Variants in DIP2A observed in about 807,000 individuals in gnomAD.
The protein encoded by DIP2A is disco-interacting protein 2 homolog A.
Under a neutral mutation model 177.4 loss-of-function variants are expected in DIP2A, and 85 were observed. The observed-to-expected ratio is 0.48, with a 90% CI of 0.40 to 0.57. The LOEUF (loss-of-function observed/expected upper bound fraction) is 0.57. DIP2A is among the 20% of genes least tolerant of loss of function. The probability of loss-of-function intolerance (pLI) is 0.00; values close to 1 mark genes in which losing one functional copy is unlikely to be tolerated. For missense variants in DIP2A, 1,791 were observed against 2,100.2 expected (o/e 0.85, Z 2.88); for synonymous variants, 886 against 881.8 (o/e 1.00, Z -0.08).
In DIP2A at chr21:46,565,858, G is replaced by A. The variant is rs776980789; in HGVS notation, c.4310G>A (p.Arg1437Gln). 28 of 1,613,812 alleles carry A rather than the reference G, an allele frequency of 1.7e-5. No individual in the cohort carries two copies. The highest frequency in any genetic ancestry group is 2.2e-5 in the South Asian group (2 of 91,072). The part of the protein sequence containing the change: ...WARTGYLGFL[R>Q]RTELTDASGG... ...AGGACCGGCTACCTTGGCTTCCTTC[G>A]GCGAACAGAGCTCACTGATGCCAGT... The change falls in exon 36 of 38, where the codon CGG (arginine) becomes CAG (glutamine). Residue 1437 changes from arginine (R) to glutamine (Q), a missense_variant. Transcript: ENST00000417564.
the DIP2A span, among the ~76,000 whole-genome samples, chr21:46,576,429 C>T: frequency 1.3e-5 from 2 of 152,148 alleles, no homozygotes; most frequent in Admixed American, 6.6e-5. Flanking sequence ...CCAGCTCCAT[C>T]CATCTCCCTG....
chr21:46,471,104 T>C (rs376038630), intron 1 of DIP2A, among the ~76,000 whole-genome samples: 11 of 152,280 alleles, frequency 7.2e-5, no homozygotes, highest in Non-Finnish European at 1.2e-4. Context: ...AGCACTATCA[T>C]AGCTCATTAC....
intron 6 of DIP2A, among the ~76,000 whole-genome samples, chr21:46,507,692 CTTTTTTTTTTTTT>C (rs34594717): frequency 1.1e-4 from 5 of 43,952 alleles, no homozygotes; most frequent in Non-Finnish European, 1.9e-4. Flanking sequence ...ATTTTCTGTT[CTTTTTTTTTTTTT>C]TTTTTTTTTT....
At chr21:46,523,383 C>G (rs1415084195) in intron 8 of DIP2A, among the ~76,000 whole-genome samples, 1 of 146,692 alleles carries the variant, frequency 6.8e-6, no homozygotes, top group Non-Finnish European at 1.5e-5. Flanking sequence ...TACAGGCGTG[C>G]GCCTGGCTAA....
At chr21:46,507,787 G>A (rs1458229655) in intron 6 of DIP2A, among the ~76,000 whole-genome samples, 1 of 137,602 alleles carries the variant, frequency 7.3e-6, no homozygotes, top group Non-Finnish European at 1.5e-5. Flanking sequence ...CGCAGCCTCT[G>A]CCTTCTGGTG....
intron 6 of DIP2A, among the ~76,000 whole-genome samples, chr21:46,506,782 C>CTTTTT: frequency 1.4e-5 from 1 of 73,174 alleles, no homozygotes; most frequent in African/African-American, 5.2e-5. Flanking sequence ...CTTTTCTTTT[C>CTTTTT]TTTCTTTTCT....
intron 3 of DIP2A, among the ~76,000 whole-genome samples, chr21:46,495,240 T>TCTCTCTCTCTC (rs60545868): frequency 3.5e-3 from 168 of 47,638 alleles, no homozygotes; most frequent in East Asian, 7.1e-3. Flanking sequence ...TTCTCTTCTC[T>TCTCTCTCTCTC]TCTTTCTCTC....
chr21:46,539,844 G>T (rs774176380), intron 16 of DIP2A, 33 bp from the exon 17 acceptor site: 3 of 1,559,950 alleles, frequency 1.9e-6, no homozygotes, highest in African/African-American at 1.4e-5. Flanking sequence ...CCCCCAGTTA[G>T]TGCTGGCGTT....
intron 9 of DIP2A, among the ~76,000 whole-genome samples, 165 bp downstream of exon 9, chr21:46,529,348 C>G (rs2059257069): frequency 6.6e-6 from 1 of 152,120 alleles, no homozygotes; most frequent in African/African-American, 2.4e-5. Flanking sequence ...GCCTGTAATC[C>G]TAGCACTTTG....
chr21:46,534,419 C>T (rs967466980), intron 12 of DIP2A, among the ~76,000 whole-genome samples, 166 bp from the exon 13 acceptor site: 3 of 152,216 alleles, frequency 2.0e-5, no homozygotes, highest in African/African-American at 7.2e-5. Context: ...TGAAGCATCC[C>T]CTCAGCGGCC....
intron 18 of DIP2A, among the ~76,000 whole-genome samples, chr21:46,544,332 C>T (rs909684112): frequency 2.6e-5 from 4 of 152,106 alleles, no homozygotes; most frequent in Middle Eastern, 3.2e-3. Context: ...GCGGAAAGGC[C>T]GAGAAATTGA....
rs540571753 is a variant in DIP2A, at chr21:46,560,800, G to C, written c.4031+17G>C. ...CCATGACAGGTAATGCTCCCAGCCTGCCTGGGCCCCATGGATACCCAGTGG... is the reference window on the plus strand; with the variant it reads ...CCATGACAGGTAATGCTCCCAGCCTCCCTGGGCCCCATGGATACCCAGTGG... On this transcript the variant is annotated intron_variant, in intron 33 of 37. Coordinates refer to ENST00000417564, the MANE Select transcript of DIP2A (RefSeq NM_015151.4). 5.6e-6 allele frequency: 9 copies of C among 1,597,542 alleles called. No individual in the cohort carries two copies. The South Asian group carries it at 1.0e-4, about 18-fold the overall frequency.
At chr21:46,480,831 G>A (rs1039518852) in intron 1 of DIP2A, among the ~76,000 whole-genome samples, 7 of 152,276 alleles carry the variant, frequency 4.6e-5, no homozygotes, top group East Asian at 1.9e-4. Flanking sequence ...GGAACCTGCC[G>A]GGCCCTTGGG....
chr21:46,537,429 T>C lies in DIP2A; in HGVS notation c.1708-17T>C, dbSNP rs749609717. 6 of 1,613,852 alleles carry C rather than the reference T, an allele frequency of 3.7e-6. No individual in the cohort carries two copies. In the East Asian group the frequency reaches 1.1e-4, roughly 30 times the overall value. ...GGCTCGGGCCCACTCGCCCTAAGCA[T>C]GTGTGCTCCCCCACAGAGCGTCATG... On this transcript the variant is annotated splice_polypyrimidine_tract_variant and intron_variant, in intron 14 of 37. Transcript: ENST00000417564. The surrounding 1 kb of genome is among the most constrained non-coding windows in gnomAD (Gnocchi z 4.1).
Position 46,541,841 on chromosome 21 carries a change from G to C in DIP2A, c.2122G>C (p.Glu708Gln). The C allele has an allele frequency of 6.2e-7, 1 of 1,614,046 alleles. No homozygotes were observed. Among genetic ancestry groups the C allele is most frequent in the Non-Finnish European group, 8.5e-7 (1 of 1,179,886 alleles). The part of the protein sequence containing the change: ...LSYGVIRVDT[E>Q]EKLSVLTVQD... ...TTATGGTGTTATCAGAGTGGATACT[G>C]AAGAAAAGTTGTCAGTCCTTACTGT... The change falls in exon 18 of 38, where the codon GAA becomes CAA. Residue 708 changes from glutamate to glutamine, a missense_variant. Glu to Gln is a conservative substitution (Grantham distance 29). Transcript: ENST00000417564.
At chr21:46,509,644 G>T (rs2148617155) in intron 7 of DIP2A, among the ~76,000 whole-genome samples, 1 of 152,190 alleles carries the variant, frequency 6.6e-6, no homozygotes, top group East Asian at 1.9e-4. Flanking sequence ...TTATTTAAAT[G>T]TTTAATTTAA....
chr21:46,545,794 T>C, intron 19 of DIP2A, 87 bp from the exon 20 acceptor site: 11 of 1,494,012 alleles, frequency 7.4e-6, no homozygotes, highest in South Asian at 1.2e-5. Context: ...GCACACGTGG[T>C]GCTGAGCCTC....
At chr21:46,468,038 C>T (rs7278913) in intron 1 of DIP2A, among the ~76,000 whole-genome samples, 7,052 of 151,580 alleles carry the variant, frequency 0.047, 529 homozygotes, top group African/African-American at 0.16. Flanking sequence ...CCGAGGTAGA[C>T]GGATCACTTG....
At chr21:46,538,046 T>C (rs56157650) in intron 15 of DIP2A, among the ~76,000 whole-genome samples, 42,749 of 151,460 alleles carry the variant, frequency 0.28, 6,367 homozygotes, top group East Asian at 0.42. Flanking sequence ...GAAGCTTGGG[T>C]AGGGGTGGGG....
Sources: allele counts gnomAD v4.1 joint callset (sites outside exome capture counted in the v4.1 genomes callset), GRCh38; gene constraint gnomAD v4.1.1; non-coding constraint Gnocchi (gnomAD v3.1); transcripts MANE v1.5; gene names NCBI Gene and HGNC (gene_info 2026-07-23, HGNC 2026-07-21).